The following BFSP2 variants were observed in gnomAD, a reference collection of about 807,000 sequenced individuals.
The protein encoded by BFSP2 is beaded filament structural protein 2, also known as phakinin.
BFSP2 carries 38 observed loss-of-function variants against 44.9 expected under a neutral mutation model. The ratio of observed to expected loss-of-function variants is 0.85; its 90% CI spans 0.65 to 1.11. The LOEUF is 1.11. BFSP2 is among the 50% of genes least tolerant of loss of function. The pLI, the probability that BFSP2 is intolerant of heterozygous loss-of-function variation, is 0.00. For missense variants in BFSP2, 525 were observed against 533.0 expected (o/e 0.99, Z 0.15); for synonymous variants, 197 against 209.9 (o/e 0.94, Z 0.53).
chr3:133,431,165 TA>T (rs2073713249), intron 1 of BFSP2, among the ~76,000 whole-genome samples: 1 of 152,172 alleles, frequency 6.6e-6, no homozygotes, highest in Non-Finnish European at 1.5e-5. Context: ...TACATTTTAT[TA>T]CCCAATCTGC....
chr3:133,472,999 G>A (rs187478021), intron 6 of BFSP2, among the ~76,000 whole-genome samples: 1 of 151,568 alleles, frequency 6.6e-6, no homozygotes, highest in East Asian at 1.9e-4. Context: ...TGTTGCCCAG[G>A]CTGGTCTCGA....
Position 133,466,910 on chromosome 3 carries a change from C to A in BFSP2, c.974C>A (p.Ser325Ter), listed in dbSNP as rs751496741. ...AALRVELHNTSCQVQSLQAET... is the reference protein window; with the variant it reads ...AALRVELHNT ...CTCAGGGTGGAGTTACACAACACTTCGTGCCAAGTCCAGAGCCTCCAGGCT... is the reference window on the plus strand; with the variant it reads ...CTCAGGGTGGAGTTACACAACACTTAGTGCCAAGTCCAGAGCCTCCAGGCT... Residue 325 changes from serine to a stop codon, truncating the protein, a stop_gained, in exon 5 of 7, where the codon TCG becomes TAG. Transcript: ENST00000302334. LOFTEE classifies it high-confidence loss of function. 1.9e-6 allele frequency: 3 copies of A among 1,614,066 alleles called. No individual in the cohort carries two copies. The highest frequency in any genetic ancestry group is 3.3e-5 in the Admixed American group (2 of 60,002).
chr3:133,466,885 C>T lies in BFSP2; in HGVS notation c.949C>T (p.Leu317Phe), dbSNP rs376508399. The T allele has an allele frequency of 1.2e-6, 2 of 1,613,956 alleles. No individual in the cohort carries two copies. Among genetic ancestry groups the T allele is most frequent in the Non-Finnish European group, 1.7e-6 (2 of 1,179,982 alleles). ...QTQEEKLAAA[L>F]RVELHNTSCQ... ...CCAGGAGGAGAAGCTGGCAGCTGCC[C>T]TCAGGGTGGAGTTACACAACACTTC... The change falls in exon 5 of 7, where the codon CTC (leucine) becomes TTC (phenylalanine). Residue 317 changes from leucine to phenylalanine, a missense_variant. By Grantham distance (22) the Leu-to-Phe change is conservative (BLOSUM62 0). Coordinates refer to ENST00000302334, the MANE Select transcript of BFSP2 (RefSeq NM_003571.4).
intron 4 of BFSP2, among the ~76,000 whole-genome samples, chr3:133,460,472 G>T (rs2074052142): frequency 6.6e-6 from 1 of 152,190 alleles, no homozygotes; most frequent in Admixed American, 6.5e-5. Flanking sequence ...TGCCCAGGCT[G>T]GTCTTGAACT....
intron 5 of BFSP2, among the ~76,000 whole-genome samples, chr3:133,469,219 C>T (rs887114664): frequency 2.9e-4 from 44 of 152,350 alleles, no homozygotes; most frequent in Non-Finnish European, 2.1e-4. Context: ...GTTCTGGTCA[C>T]GGGGCCTTGC....
At chr3:133,406,703 A>T (rs997651945) in intron 1 of BFSP2, among the ~76,000 whole-genome samples, 3 of 152,184 alleles carry the variant, frequency 2.0e-5, no homozygotes, top group Admixed American at 6.5e-5. Context: ...CCTTCCACAG[A>T]AATTAAGAAT....
At chr3:133,439,010 G>A (rs552256083) in intron 1 of BFSP2, among the ~76,000 whole-genome samples, 1 of 152,268 alleles carries the variant, frequency 6.6e-6, no homozygotes, top group African/African-American at 2.4e-5. Flanking sequence ...TAGCAATGTG[G>A]GCAAGTTACT....
At chr3:133,402,893 T>A (rs2073373868) in intron 1 of BFSP2, among the ~76,000 whole-genome samples, 1 of 152,150 alleles carries the variant, frequency 6.6e-6, no homozygotes, top group Non-Finnish European at 1.5e-5. Flanking sequence ...TCCACCCGCC[T>A]CTGCCTCCCA....
At chr3:133,446,055 C>A (rs139583295) in intron 1 of BFSP2, among the ~76,000 whole-genome samples, 1 of 152,174 alleles carries the variant, frequency 6.6e-6, no homozygotes, top group African/African-American at 2.4e-5. Context: ...AGGGAGACAC[C>A]CTAGTCTGCC....
At chr3:133,424,227 T>TG (rs1559963428) in intron 1 of BFSP2, among the ~76,000 whole-genome samples, 1 of 145,438 alleles carries the variant, frequency 6.9e-6, no homozygotes, top group Non-Finnish European at 1.5e-5. Context: ...TTTTTTTTTT[T>TG]TTTTTTTTTT....
At chr3:133,447,778 T>C (rs2073917241) in intron 2 of BFSP2, among the ~76,000 whole-genome samples, 2 of 152,210 alleles carry the variant, frequency 1.3e-5, no homozygotes, top group Non-Finnish European at 1.5e-5. Flanking sequence ...CTGCTGGTCC[T>C]GGGACTCAAA....
Position 133,434,586 on chromosome 3 carries a change from A to G in BFSP2, c.490-12731A>G, listed in dbSNP as rs201241282. 4.6e-5 allele frequency among the ~76,000 whole-genome samples: 7 copies of G among 152,332 alleles called. No homozygotes were observed. The East Asian group carries it at 1.2e-3, about 25-fold the overall frequency. Reference sequence around the variant, plus strand: ...ATCGCAACCCCTGTGACTTGCATGTATATGCCCAGATGGCCTGAAGTAACT... The same window carrying G: ...ATCGCAACCCCTGTGACTTGCATGTGTATGCCCAGATGGCCTGAAGTAACT... On this transcript the variant is annotated intron_variant, in intron 1 of 6. Transcript: ENST00000302334.
chr3:133,472,330 T>G lies in BFSP2; in HGVS notation c.1024-15T>G, dbSNP rs766187556. ...CTGTTGTCCTCGGGTTTGGACCGGG[T>G]TCGCTCTTTTGTAGAAACGAGGCCT... On this transcript the variant is annotated splice_polypyrimidine_tract_variant and intron_variant, in intron 5 of 6. Transcript: ENST00000302334. 1.2e-6 allele frequency: 2 copies of G among 1,604,818 alleles called. No individual in the cohort carries two copies. Among genetic ancestry groups the G allele is most frequent in the Non-Finnish European group, 1.7e-6 (2 of 1,178,684 alleles).
Position 133,449,982 on chromosome 3 carries a change from AAAGG to A in BFSP2, c.730-287_730-284del, listed in dbSNP as rs71136469. On this transcript the variant is annotated intron_variant, in intron 3 of 6. Transcript: ENST00000302334. Reference sequence around the variant, plus strand: ...GAGAAAGAGAAAGAAGGAAAGAAGGAAAGGAAGGAAGGAAGGAAGGAAGGAAGGA... The same window carrying A: ...GAGAAAGAGAAAGAAGGAAAGAAGGAAAGGAAGGAAGGAAGGAAGGAAGGA... 2.5e-3 allele frequency among the ~76,000 whole-genome samples: 215 copies of A among 86,384 alleles called. 1 individual carries two copies. The highest frequency in any genetic ancestry group is 7.2e-3 in the East Asian group (20 of 2,772). The allele number at this position is 86,384 out of a possible 152,430, so 56.7% of individuals were successfully genotyped here.
rs1279819768 is a variant in BFSP2 at position 133,430,758 on chromosome 3, G to A, written c.490-16559G>A. On this transcript the variant is annotated intron_variant, in intron 1 of 6. Transcript: ENST00000302334. ...CCCCTCAGTCCCAACCCCAAGCGTC[G>A]CTGAGTCTTTCTAATCTTCCTTTTC... is the stretch of plus-strand genomic sequence containing the variant. Among the ~76,000 whole-genome samples the A allele has an allele frequency of 2.5e-4, 38 of 151,908 alleles. No individual in the cohort carries two copies. The East Asian group carries it at 3.7e-3, about 15-fold the overall frequency.
rs563046689 is a variant in BFSP2, at chr3:133,425,642, T to G, written c.490-21675T>G. Among the ~76,000 whole-genome samples, 8 of 151,950 alleles carry G rather than the reference T, an allele frequency of 5.3e-5. No homozygotes were observed. In the South Asian group the frequency reaches 1.7e-3, roughly 32 times the overall value. ...ACCCTCACTTTCTCCCCTGCCCAGG[T>G]AGGGCCAAGCACCTAGCAAGGATGC... On this transcript the variant is annotated intron_variant, in intron 1 of 6. Transcript: ENST00000302334.
rs1297464887 is a variant in BFSP2 at position 133,400,176 on chromosome 3, GTCA to G, written c.99_101del (p.Ser35del). On this transcript the variant is annotated inframe_deletion, in exon 1 of 7. Coordinates refer to ENST00000302334, the MANE Select transcript of BFSP2 (RefSeq NM_003571.4). The surrounding 1 kb of genome is among the most constrained non-coding windows in gnomAD (Gnocchi z 4.0). ...GCAGGGCGTCCTTCAGGGGGCCACG[GTCA>G]TCATCCTCCCTGGAGAGCCCCCCAG... 1 of 1,614,118 alleles carries G rather than the reference GTCA, an allele frequency of 6.2e-7. No individual in the cohort carries two copies. Among genetic ancestry groups the G allele is most frequent in the Non-Finnish European group, 8.5e-7 (1 of 1,180,026 alleles).
intron 1 of BFSP2, among the ~76,000 whole-genome samples, chr3:133,436,489 G>T (rs2073783118): frequency 3.3e-5 from 5 of 152,084 alleles, no homozygotes; most frequent in Admixed American, 3.3e-4. Flanking sequence ...GAGAGCATAA[G>T]CTCTCTCTAG....
chr3:133,475,171 T>C lies in BFSP2; in HGVS notation c.*199T>C, dbSNP rs895992549. On this transcript the variant is annotated 3_prime_UTR_variant, in exon 7 of 7. Transcript: ENST00000302334. ...AGTCTGTAGCTTGAGCAATCTCCCT[T>C]GTCCTCCTTCAAATAAATGCTTTGT... The C allele has an allele frequency of 2.8e-6, 2 of 714,060 alleles. No homozygotes were observed. The highest frequency in any genetic ancestry group is 2.5e-5 in the Admixed American group (1 of 39,830). The allele number at this position is 714,060 out of a possible 1,614,324, so 44.2% of individuals were successfully genotyped here.
Sources: allele counts gnomAD v4.1 joint callset (sites outside exome capture counted in the v4.1 genomes callset), GRCh38; gene constraint gnomAD v4.1.1; non-coding constraint Gnocchi (gnomAD v3.1); transcripts MANE v1.5; gene names NCBI Gene and HGNC (gene_info 2026-07-23, HGNC 2026-07-21).